The following BAIAP3 variants were observed in gnomAD, a reference collection of about 807,000 sequenced individuals.
BAIAP3 encodes the protein BAI1-associated protein 3.
A neutral mutation model predicts 149.7 loss-of-function variants in BAIAP3; 180 were observed. The observed-to-expected ratio is 1.20, with a 90% CI of 1.07 to 1.36. BAIAP3 has a LOEUF of 1.36. Ranked by LOEUF, BAIAP3 falls within the 40% of genes most tolerant of loss-of-function variation. BAIAP3 has a pLI of 0.00. For missense variants in BAIAP3, 1,767 were observed against 1,563.4 expected, an observed-to-expected ratio of 1.13 and a Z score of -2.20; for synonymous variants, 845 against 670.7, an observed-to-expected ratio of 1.26 and a Z score of -4.02.
Position 1,345,882 on chromosome 16 carries a change from C to T in BAIAP3, c.2200C>T (p.Leu734Phe). 1 of 1,577,228 alleles carries T rather than the reference C, an allele frequency of 6.3e-7. No individual in the cohort carries two copies. The highest frequency in any genetic ancestry group is 8.6e-7 in the Non-Finnish European group (1 of 1,162,598). Residue 734 changes from leucine (L) to phenylalanine (F), a missense_variant, in exon 23 of 34, where the codon CTT (leucine) becomes TTT (phenylalanine). Transcript: ENST00000426824. Reference protein sequence around the residue: ...PAQAQGLGTQLGQDVCEATLF... With the variant: ...PAQAQGLGTQFGQDVCEATLF... ...CCAGGCTCAGGGGCTGGGCACCCAG[C>T]TTGGCCAGGTGTGTGGGTGGGCCCT...
At chr16:1,344,944 G>A (rs376211678) in intron 20 of BAIAP3, 25 bp from the exon 21 acceptor site, 1 of 1,613,532 alleles carries the variant, frequency 6.2e-7, no homozygotes, top group Non-Finnish European at 8.5e-7. Flanking sequence ...TGCTGCTGGA[G>A]GCCTGATCCT....
At chr16:1,342,118 G>T (rs1210466511) in intron 10 of BAIAP3, 55 bp downstream of exon 10, 3 of 1,568,110 alleles carry the variant, frequency 1.9e-6, no homozygotes, top group Non-Finnish European at 2.6e-6. Context: ...TTGGTCATGG[G>T]GCCCGGCGGG....
chr16:1,340,173 C>T (rs1219191729), intron 5 of BAIAP3, among the ~76,000 whole-genome samples: 8 of 104,756 alleles, frequency 7.6e-5, no homozygotes, highest in South Asian at 3.5e-4. Flanking sequence ...CGCACACAGG[C>T]TGCAGGTGCA....
chr16:1,345,269 T>C lies in BAIAP3; in HGVS notation c.1961T>C (p.Leu654Pro). Reference protein sequence around the residue: ...IPGRDSRSLALAGIHAPFLPA... With the variant: ...IPGRDSRSLAPAGIHAPFLPA... ...CACAGGGACAGCCGCTCTCTGGCCC[T>C]GGCTGGCATCCACGCCCCCTTCCTG... is the stretch of plus-strand genomic sequence containing the variant. The change falls in exon 22 of 34, where the codon CTG becomes CCG. Residue 654 changes from leucine to proline, a missense_variant. Physicochemically the swap from Leu to Pro is moderately conservative, Grantham distance 98. Transcript: ENST00000426824. 1 of 1,613,124 alleles carries C rather than the reference T, an allele frequency of 6.2e-7. No individual in the cohort carries two copies. The highest frequency in any genetic ancestry group is 8.5e-7 in the Non-Finnish European group (1 of 1,179,908).
chr16:1,338,453 G>GGGGGGGGGGGC, intron 1 of BAIAP3, 87 bp from the exon 2 acceptor site: 1 of 177,274 alleles, frequency 5.6e-6, no homozygotes, highest in Non-Finnish European at 1.2e-5. Flanking sequence ...ACCTCTTCCC[G>GGGGGGGGGGGC]CCCCACCCCC....
At chr16:1,334,977 A>G (rs1454610944) in intron 1 of BAIAP3, among the ~76,000 whole-genome samples, 1 of 152,134 alleles carries the variant, frequency 6.6e-6, no homozygotes, top group Non-Finnish European at 1.5e-5. Flanking sequence ...GGGCGCCCCC[A>G]ACACGTTGAA....
At chr16:1,343,963 G>A in intron 15 of BAIAP3, 59 bp from the exon 16 acceptor site, 1 of 1,601,986 alleles carries the variant, frequency 6.2e-7, no homozygotes, top group East Asian at 2.2e-5. Context: ...CAGGGAGGAT[G>A]TTTCTCCTCA....
rs377176795 is a variant in BAIAP3, at chr16:1,339,196, G to A, written c.252G>A (p.Pro84=). Reference sequence around the variant, plus strand: ...TGCGCAGTGGCTCGCCAGCACCCCCGGAGCCTGTGGATCCCAGCCTCGGCC... The same window carrying A: ...TGCGCAGTGGCTCGCCAGCACCCCCAGAGCCTGTGGATCCCAGCCTCGGCC... ...VPLRSGSPAP[P]EPVDPSLGLR... Residue 84 remains proline (P), a synonymous_variant, in exon 4 of 34, where the codon CCG becomes CCA. Coordinates refer to ENST00000426824, the MANE Select transcript of BAIAP3 (RefSeq NM_001199097.2). 62 of 1,562,936 alleles carry A rather than the reference G, an allele frequency of 4.0e-5. No individual in the cohort carries two copies. In the African/African-American group the frequency reaches 5.4e-4, roughly 14 times the overall value.
intron 1 of BAIAP3, among the ~76,000 whole-genome samples, chr16:1,337,060 G>A (rs2033502909): frequency 1.3e-5 from 2 of 152,162 alleles, no homozygotes; most frequent in South Asian, 2.1e-4. Flanking sequence ...GCGGGGAGGA[G>A]ACCTCCCTGG....
chr16:1,343,320 T>C, intron 14 of BAIAP3, 73 bp from the exon 15 acceptor site: 2 of 1,533,744 alleles, frequency 1.3e-6, no homozygotes, highest in East Asian at 2.4e-5. Flanking sequence ...AAAGGGGTAG[T>C]GCTGTAGGCG....
At position 1,343,412 on chromosome 16, in the gene BAIAP3, C is replaced by T. The variant is rs576394425; in HGVS notation, c.1285C>T (p.Arg429Cys). Residue 429 changes from arginine to cysteine, a missense_variant, in exon 15 of 34, where the codon CGC (arginine) becomes TGC (cysteine). By Grantham distance (180) the Arg-to-Cys change is radical. Transcript: ENST00000426824. ...CCACAGGCACTGGCAGGTCAGCAGC[C>T]GCCACCATCAAACCTGCACGCTGGA... ...LAVLHWQVSSRHHQTCTLDYS... is the reference protein window; with the variant it reads ...LAVLHWQVSSCHHQTCTLDYS... 63 of 1,569,712 alleles carry T rather than the reference C, an allele frequency of 4.0e-5. No individual in the cohort carries two copies. The highest frequency in any genetic ancestry group is 4.5e-5 in the Non-Finnish European group (52 of 1,159,790).
Position 1,338,908 on chromosome 16 carries a change from C to T in BAIAP3, c.138C>T (p.Pro46=), listed in dbSNP as rs77633104. Residue 46 remains proline, a synonymous_variant, in exon 3 of 34, where the codon CCC becomes CCT. Transcript: ENST00000426824. The part of the protein sequence containing the change: ...PQEPATGAWK[P]GDGVEFFAHM... ...GACCCGGCTCTTTCTCCAGGAAACC[C>T]GGGGATGGCGTGGAGTTCTTTGCCC... 0.021 allele frequency: 33,689 copies of T among 1,612,986 alleles called. 725 individuals are homozygous for T. The highest frequency in any genetic ancestry group is 0.095 in the African/African-American group (7,149 of 75,028).
intron 22 of BAIAP3, 184 bp downstream of exon 22, chr16:1,345,556 A>AGCCTCCCCC: frequency 2.0e-6 from 1 of 489,448 alleles, no homozygotes; most frequent in Admixed American, 4.7e-5. Context: ...CAGCCTCCCC[A>AGCCTCCCCC]GCAACCCCAG....
rs773881878 is a variant in BAIAP3 at position 1,339,542 on chromosome 16, C to T, written c.347C>T (p.Ala116Val). ...GCCCTGTACACGGTGCTTTACCGCG[C>T]GGGTACCATGGGCCCTGACCAGGTG... ...EEALYTVLYRAGTMGPDQVDD... is the reference protein window; with the variant it reads ...EEALYTVLYRVGTMGPDQVDD... The change falls in exon 5 of 34, where the codon GCG (alanine) becomes GTG (valine). Residue 116 changes from alanine (A) to valine (V), a missense_variant. By Grantham distance (64) the Ala-to-Val change is moderately conservative. Transcript: ENST00000426824. 47 of 1,612,586 alleles carry T rather than the reference C, an allele frequency of 2.9e-5. No individual in the cohort carries two copies. The highest frequency in any genetic ancestry group is 1.8e-4 in the East Asian group (8 of 44,894).
chr16:1,342,168 C>T lies in BAIAP3; in HGVS notation c.855-13C>T. The T allele has an allele frequency of 1.3e-6, 2 of 1,591,248 alleles. No homozygotes were observed. Among genetic ancestry groups the T allele is most frequent in the Non-Finnish European group, 1.7e-6 (2 of 1,165,292 alleles). On this transcript the variant is annotated splice_polypyrimidine_tract_variant and intron_variant, in intron 10 of 33. Transcript: ENST00000426824. ...GAGCCATCAGCGTGATGCTCACCACCTGTGGTGGCCAGGTACTTCAAACAG... is the reference window on the plus strand; with the variant it reads ...GAGCCATCAGCGTGATGCTCACCACTTGTGGTGGCCAGGTACTTCAAACAG...
At chr16:1,342,854 G>T in intron 13 of BAIAP3, 40 bp downstream of exon 13, 1 of 1,612,278 alleles carries the variant, frequency 6.2e-7, no homozygotes, top group Non-Finnish European at 8.5e-7. Flanking sequence ...CCGGCAGGGG[G>T]CCTGAGGAGG....
At chr16:1,341,792 C>A in intron 8 of BAIAP3, 30 bp from the exon 9 acceptor site, 1 of 1,606,846 alleles carries the variant, frequency 6.2e-7, no homozygotes, top group Non-Finnish European at 8.5e-7. Flanking sequence ...TCGCCGGGGA[C>A]CCTCATGGGC....
In BAIAP3 at chr16:1,347,018, C is replaced by G. The variant is rs543030543; in HGVS notation, c.2751+63C>G. 3 of 1,452,560 alleles carry G rather than the reference C, an allele frequency of 2.1e-6. No homozygotes were observed. In the East Asian group the frequency reaches 7.2e-5, roughly 35 times the overall value. 90.0% of individuals were successfully genotyped at this position (1,452,560 alleles called of 1,614,324 possible). A position where few individuals can be genotyped will look rare whatever the true frequency, so the allele number is the denominator to read the frequency against. ...GCCTCAGGGCTGCTCTGATCCCTCCCTTTGTCCCCACTGGCCTGCCTGGTC... is the reference window on the plus strand; with the variant it reads ...GCCTCAGGGCTGCTCTGATCCCTCCGTTTGTCCCCACTGGCCTGCCTGGTC... On this transcript the variant is annotated intron_variant, in intron 28 of 33. Coordinates refer to ENST00000426824, the MANE Select transcript of BAIAP3 (RefSeq NM_001199097.2).
chr16:1,338,926 C>A lies in BAIAP3; in HGVS notation c.156C>A (p.Phe52Leu). ...GAWKPGDGVE[F>L]FAHMRLMLKK... is the part of the protein sequence containing the mutation. ...GGAAACCCGGGGATGGCGTGGAGTT[C>A]TTTGCCCACATGCGCCTCATGCTGA... The change falls in exon 3 of 34, where the codon TTC (phenylalanine) becomes TTA (leucine). Residue 52 changes from phenylalanine (F) to leucine (L), a missense_variant. Transcript: ENST00000426824. The A allele has an allele frequency of 6.2e-7, 1 of 1,613,120 alleles. No individual in the cohort carries two copies. Among genetic ancestry groups the A allele is most frequent in the Non-Finnish European group, 8.5e-7 (1 of 1,179,964 alleles).
Sources: allele counts gnomAD v4.1 joint callset (sites outside exome capture counted in the v4.1 genomes callset), GRCh38; gene constraint gnomAD v4.1.1; transcripts MANE v1.5; gene names NCBI Gene and HGNC (gene_info 2026-07-23, HGNC 2026-07-21).